The following CHRM3 variants were observed in gnomAD, a reference collection of about 807,000 sequenced individuals.
The protein encoded by CHRM3 is cholinergic receptor muscarinic 3.
A neutral mutation model predicts 41.8 loss-of-function variants in CHRM3; 11 were observed. The observed-to-expected ratio is 0.26, with a 90% CI of 0.17 to 0.44. CHRM3 has a LOEUF of 0.44. Among genes scored for constraint, CHRM3 ranks in the 20% least tolerant of loss-of-function variants. The pLI is 1.00. For synonymous variants in CHRM3, 297 were observed against 301.4 expected (o/e 0.99, Z 0.15); for missense variants, 571 against 745.4 (o/e 0.77, Z 2.72).
chr1:239,751,941 C>A (rs1188351591), intron 5 of CHRM3, among the ~76,000 whole-genome samples: 1 of 152,154 alleles, frequency 6.6e-6, no homozygotes, highest in African/African-American at 2.4e-5. Flanking sequence ...TGCTGAAGAG[C>A]TCATCAGGAC....
chr1:239,606,171 GTTA>G (rs1666219960), intron 3 of CHRM3: 2 of 151,498 alleles, frequency 1.3e-5, no homozygotes, highest in Admixed American at 6.6e-5. Context: ...TAGAATATGT[GTTA>G]TTTTCATTAA....
At chr1:239,409,239 T>G (rs893612011) in intron 1 of CHRM3, among the ~76,000 whole-genome samples, 2 of 152,172 alleles carry the variant, frequency 1.3e-5, no homozygotes, top group African/African-American at 4.8e-5. Flanking sequence ...CCAGCTAATT[T>G]TTATTGCTGT....
intron 3 of CHRM3, among the ~76,000 whole-genome samples, chr1:239,631,330 A>C (rs1445186741): frequency 6.6e-6 from 1 of 152,020 alleles, no homozygotes; most frequent in Non-Finnish European, 1.5e-5. Context: ...TGCTGAGAAA[A>C]ATCCCTCCAC....
At chr1:239,684,611 A>G (rs1658894038) in intron 5 of CHRM3, among the ~76,000 whole-genome samples, 1 of 151,262 alleles carries the variant, frequency 6.6e-6, no homozygotes. Flanking sequence ...AGATCATGCC[A>G]CTGCACTACA....
intron 5 of CHRM3, among the ~76,000 whole-genome samples, chr1:239,803,801 G>A (rs1053787578): frequency 9.2e-5 from 14 of 152,280 alleles, no homozygotes; most frequent in African/African-American, 3.4e-4. Flanking sequence ...CAAGCAGAGC[G>A]GGGTTCCACC....
At chr1:239,439,614 C>T (rs1389861596) in intron 1 of CHRM3, among the ~76,000 whole-genome samples, 1 of 152,160 alleles carries the variant, frequency 6.6e-6, no homozygotes, top group African/African-American at 2.4e-5. Flanking sequence ...AGAAAGCAAT[C>T]AACCAATCTA....
chr1:239,557,159 G>A (rs1660443510), intron 3 of CHRM3, among the ~76,000 whole-genome samples: 1 of 152,110 alleles, frequency 6.6e-6, no homozygotes, highest in East Asian at 1.9e-4. Flanking sequence ...AAGGCAACGT[G>A]ATTGCATTGC....
chr1:239,502,771 C>T (rs147365108), intron 2 of CHRM3, among the ~76,000 whole-genome samples: 42 of 152,014 alleles, frequency 2.8e-4, no homozygotes, highest in African/African-American at 9.9e-4. Flanking sequence ...AAGTCAATAA[C>T]TGTGATACAC....
intron 2 of CHRM3, among the ~76,000 whole-genome samples, chr1:239,504,358 A>G (rs2148153510): frequency 6.6e-6 from 1 of 152,332 alleles, no homozygotes; most frequent in Non-Finnish European, 1.5e-5. Context: ...TCAAAACCAC[A>G]ATATGATACC....
intron 1 of CHRM3, among the ~76,000 whole-genome samples, chr1:239,461,221 G>A (rs1396094189): frequency 1.3e-5 from 2 of 152,116 alleles, no homozygotes; most frequent in Non-Finnish European, 2.9e-5. Context: ...ATGGGTTATA[G>A]GTTCTGATCA....
chr1:239,551,754 A>T (rs963567177), intron 3 of CHRM3, among the ~76,000 whole-genome samples: 1 of 152,214 alleles, frequency 6.6e-6, no homozygotes, highest in Non-Finnish European at 1.5e-5. Context: ...GAAGTCAAAC[A>T]TGGGCTAATG....
chr1:239,881,944 C>T (rs1042969390), intron 6 of CHRM3, among the ~76,000 whole-genome samples: 2 of 152,132 alleles, frequency 1.3e-5, no homozygotes, highest in South Asian at 2.1e-4. Flanking sequence ...TCGCTCTTGT[C>T]GCCCAGGCTG....
chr1:239,608,947 G>A (rs1001255976), intron 3 of CHRM3, among the ~76,000 whole-genome samples: 4 of 151,996 alleles, frequency 2.6e-5, no homozygotes, highest in African/African-American at 9.7e-5. Context: ...AAAACACAGA[G>A]TTGATTTATG....
chr1:239,446,137 A>G (rs113971942), intron 1 of CHRM3, among the ~76,000 whole-genome samples: 27,802 of 152,104 alleles, frequency 0.18, 2,594 homozygotes, highest in South Asian at 0.23. Flanking sequence ...GGGTTTCACC[A>G]TGTTGGCCAG....
intron 1 of CHRM3, among the ~76,000 whole-genome samples, chr1:239,399,942 T>C (rs185967133): frequency 9.0e-4 from 137 of 152,308 alleles, no homozygotes; most frequent in African/African-American, 3.2e-3. Flanking sequence ...AGACAGAGTC[T>C]CACTCTGTTG....
At chr1:239,623,563 A>C (rs1668676766) in intron 3 of CHRM3, among the ~76,000 whole-genome samples, 1 of 105,410 alleles carries the variant, frequency 9.5e-6, no homozygotes, top group Non-Finnish European at 1.9e-5. Flanking sequence ...TTAGTTACAT[A>C]TGTATACATG....
At chr1:239,895,567 C>T (rs1678927284) in intron 6 of CHRM3, among the ~76,000 whole-genome samples, 1 of 151,572 alleles carries the variant, frequency 6.6e-6, no homozygotes, top group African/African-American at 2.4e-5. Flanking sequence ...ATCAATCAAC[C>T]TAAATGCCCC....
chr1:239,477,607 G>C (rs1666554878), intron 1 of CHRM3, among the ~76,000 whole-genome samples: 1 of 152,160 alleles, frequency 6.6e-6, no homozygotes, highest in African/African-American at 2.4e-5. Flanking sequence ...TACTGGCTTA[G>C]AATCCTGAAG....
At chr1:239,717,142 C>T (rs1029574097) in intron 5 of CHRM3, among the ~76,000 whole-genome samples, 4 of 151,680 alleles carry the variant, frequency 2.6e-5, no homozygotes, top group East Asian at 1.9e-4. Flanking sequence ...GCTTCTCTAA[C>T]GGTGTTCTTG....
Sources: allele counts gnomAD v4.1 joint callset (sites outside exome capture counted in the v4.1 genomes callset), GRCh38; gene constraint gnomAD v4.1.1; transcripts MANE v1.5; gene names NCBI Gene and HGNC (gene_info 2026-07-23, HGNC 2026-07-21).